CTNNA1: variants seen among roughly 807,000 people sequenced by gnomAD.
CTNNA1 encodes catenin alpha 1.
In CTNNA1, 37 loss-of-function variants were observed where a neutral mutation model predicts 98.4. The ratio of observed to expected loss-of-function variants is 0.38; its 90% CI spans 0.29 to 0.49. CTNNA1 has a LOEUF of 0.49. Ranked by LOEUF, CTNNA1 falls within the 20% of genes least tolerant of loss-of-function variation. The pLI, the probability that CTNNA1 is intolerant of heterozygous loss-of-function variation, is 0.95. For synonymous variants in CTNNA1, 404 were observed against 413.2 expected (o/e 0.98, Z 0.27); for missense variants, 761 against 1,147.2 (o/e 0.66, Z 4.86).
intron 10 of CTNNA1, among the ~76,000 whole-genome samples, chr5:138,910,191 C>G (rs1442517353): frequency 1.1e-5 from 1 of 88,872 alleles, no homozygotes; most frequent in Non-Finnish European, 2.3e-5. Context: ...TTGCTGATTT[C>G]TGTATCTTAA....
At chr5:138,876,205 A>T (rs28363442) in intron 7 of CTNNA1, among the ~76,000 whole-genome samples, 1 of 152,196 alleles carries the variant, frequency 6.6e-6, no homozygotes, top group African/African-American at 2.4e-5. Flanking sequence ...CACCTACTCC[A>T]TAACTAAAAG....
At position 138,932,549 on chromosome 5, in the gene CTNNA1, ACTTGGTGTTAAG is replaced by A; in HGVS notation, c.2299-27_2299-16del. On this transcript the variant is annotated splice_polypyrimidine_tract_variant and intron_variant, in intron 16 of 17. Transcript: ENST00000302763. ...GGGGGTGCTTGGGCCAGGCCAGGAT[ACTTGGTGTTAAG>A]CCTGCTCTCTCTTCAGTGCCCCGAC... The A allele has an allele frequency of 6.2e-7, 1 of 1,612,604 alleles. No individual in the cohort carries two copies. Among genetic ancestry groups the A allele is most frequent in the Non-Finnish European group, 8.5e-7 (1 of 1,178,914 alleles).
chr5:138,794,738 C>T (rs1409651587), intron 3 of CTNNA1, among the ~76,000 whole-genome samples: 1 of 152,072 alleles, frequency 6.6e-6, no homozygotes, highest in Non-Finnish European at 1.5e-5. Flanking sequence ...AGTGGTGGGA[C>T]ATGGAGATGG....
rs767797608 is a variant in CTNNA1, at chr5:138,917,910, G to A, written c.1546+12G>A. 2 of 1,612,740 alleles carry A rather than the reference G, an allele frequency of 1.2e-6. No individual in the cohort carries two copies. The highest frequency in any genetic ancestry group is 3.3e-5 in the Admixed American group (2 of 59,968). ...CTTGGCTGTCTCAGGTAATGAGCTG[G>A]TTCCCCAGAGAAGTATGTGAAGATG... On this transcript the variant is annotated intron_variant, in intron 11 of 17. Coordinates refer to ENST00000302763, the MANE Select transcript of CTNNA1 (RefSeq NM_001903.5).
chr5:138,930,893 A>G lies in CTNNA1; in HGVS notation c.2256A>G (p.Ala752=). The part of the protein sequence containing the change: ...VISAAKKIAE[A]GSRMDKLGRT... ...GTGCTGCCAAGAAAATTGCTGAGGCAGGATCCAGGATGGACAAGCTTGGCC... is the reference window on the plus strand; with the variant it reads ...GTGCTGCCAAGAAAATTGCTGAGGCGGGATCCAGGATGGACAAGCTTGGCC... The change falls in exon 16 of 18, where the codon GCA becomes GCG. Residue 752 remains alanine (A), a synonymous_variant. Coordinates refer to ENST00000302763, the MANE Select transcript of CTNNA1 (RefSeq NM_001903.5). 6.2e-7 allele frequency: 1 copy of G among 1,614,150 alleles called. No homozygotes were observed. The highest frequency in any genetic ancestry group is 8.5e-7 in the Non-Finnish European group (1 of 1,179,928).
chr5:138,881,758 T>C (rs1752950415), intron 7 of CTNNA1, among the ~76,000 whole-genome samples: 1 of 135,392 alleles, frequency 7.4e-6, no homozygotes, highest in African/African-American at 2.9e-5. Flanking sequence ...CCATAATTCA[T>C]TGTTTGTTGT....
chr5:138,827,922 TA>T (rs1760879442), intron 7 of CTNNA1: 1 of 596,190 alleles, frequency 1.7e-6, no homozygotes, highest in South Asian at 2.0e-5. Context: ...ATTTTCAACT[TA>T]TAAAAATCAT....
At chr5:138,759,691 G>T (rs1752099226) in intron 1 of CTNNA1, among the ~76,000 whole-genome samples, 1 of 152,156 alleles carries the variant, frequency 6.6e-6, no homozygotes, top group Non-Finnish European at 1.5e-5. Context: ...ACCCATCCTG[G>T]TTCCCAAAAG....
chr5:138,891,498 T>A (rs1429608090), intron 9 of CTNNA1, among the ~76,000 whole-genome samples: 1 of 152,174 alleles, frequency 6.6e-6, no homozygotes, highest in East Asian at 1.9e-4. Flanking sequence ...CTGTGGCCCA[T>A]GCCTGTAATC....
chr5:138,827,517 A>G lies in CTNNA1; in HGVS notation c.861A>G (p.Lys287=), dbSNP rs1581178124. 1 of 1,614,222 alleles carries G rather than the reference A, an allele frequency of 6.2e-7. No homozygotes were observed. The highest frequency in any genetic ancestry group is 8.5e-7 in the Non-Finnish European group (1 of 1,180,036). The change falls in exon 7 of 18, where the codon AAA becomes AAG. Residue 287 remains lysine (K), a splice_region_variant and synonymous_variant. Coordinates refer to ENST00000302763, the MANE Select transcript of CTNNA1 (RefSeq NM_001903.5). ...ELAYALNNFD[K]QIIVDPLSFS... is the part of the protein sequence containing the mutation. ...ATTCGGTAATACTTTCTCTGCAGAA[A>G]CAAATCATTGTGGACCCCTTGAGCT...
intron 7 of CTNNA1, among the ~76,000 whole-genome samples, chr5:138,850,796 G>C (rs1763116516): frequency 6.6e-6 from 1 of 152,130 alleles, no homozygotes; most frequent in Non-Finnish European, 1.5e-5. Context: ...TCTGGTTTTA[G>C]AGCCCAAAGA....
intron 7 of CTNNA1, among the ~76,000 whole-genome samples, chr5:138,835,633 T>C (rs1761704327): frequency 6.6e-6 from 1 of 152,176 alleles, no homozygotes. Flanking sequence ...ATTTTTTATT[T>C]AATAAATTTT....
intron 7 of CTNNA1, among the ~76,000 whole-genome samples, chr5:138,831,603 C>G (rs1275442749): frequency 6.6e-6 from 1 of 151,268 alleles, no homozygotes; most frequent in Non-Finnish European, 1.5e-5. Context: ...TCTTCAGGCC[C>G]CACATTTGTT....
rs3804202 is a variant in CTNNA1 at position 138,822,796 on chromosome 5, A to G, written c.589-1734A>G. On this transcript the variant is annotated intron_variant, in intron 5 of 17. Coordinates refer to ENST00000302763, the MANE Select transcript of CTNNA1 (RefSeq NM_001903.5). The stretch of plus-strand genomic sequence containing the variant: ...AATGAGAAAAGAATTCTAGGAGGAA[A>G]AGTAAGCTGTCATGTTATACAAGGT... Among the ~76,000 whole-genome samples, 37 of 152,332 alleles carry G rather than the reference A, an allele frequency of 2.4e-4. 1 individual carries two copies. In the East Asian group the frequency reaches 7.1e-3, roughly 29 times the overall value.
chr5:138,821,802 G>C (rs1760075784), intron 5 of CTNNA1, among the ~76,000 whole-genome samples: 1 of 152,198 alleles, frequency 6.6e-6, no homozygotes, highest in South Asian at 2.1e-4. Context: ...AGTAGACCAA[G>C]AGACTCTAGT....
chr5:138,806,432 C>T (rs1278133523), intron 3 of CTNNA1, among the ~76,000 whole-genome samples: 1 of 151,896 alleles, frequency 6.6e-6, no homozygotes, highest in Non-Finnish European at 1.5e-5. Flanking sequence ...CTCAGAAAGG[C>T]CCTAGCTTGC....
At chr5:138,788,805 T>C (rs1756005164) in intron 3 of CTNNA1, among the ~76,000 whole-genome samples, 1 of 152,134 alleles carries the variant, frequency 6.6e-6, no homozygotes. Context: ...AAATTTGAAG[T>C]GGAGTGATGA....
At chr5:138,761,689 A>G (rs868211298) in intron 1 of CTNNA1, among the ~76,000 whole-genome samples, 2 of 152,260 alleles carry the variant, frequency 1.3e-5, no homozygotes, top group East Asian at 1.9e-4. Flanking sequence ...CATGAACCCA[A>G]TTATTCTTTC....
In CTNNA1 at chr5:138,894,116, G is replaced by T. The variant is rs1260825673; in HGVS notation, c.1296+6474G>T. Among the ~76,000 whole-genome samples the T allele has an allele frequency of 2.7e-5, 4 of 148,984 alleles. No individual in the cohort carries two copies. The East Asian group carries it at 8.1e-4, about 30-fold the overall frequency. On this transcript the variant is annotated intron_variant, in intron 9 of 17. Transcript: ENST00000302763. ...TAGTTTTTAGTAGAGATGGGGTTTT[G>T]CCATGTTGGCCAGGCTGGTCTCGAA... is the stretch of plus-strand genomic sequence containing the variant.
Sources: allele counts gnomAD v4.1 joint callset (sites outside exome capture counted in the v4.1 genomes callset), GRCh38; gene constraint gnomAD v4.1.1; transcripts MANE v1.5; gene names NCBI Gene and HGNC (gene_info 2026-07-23, HGNC 2026-07-21).